FIP1L1: variants seen among roughly 807,000 people sequenced by gnomAD.
FIP1L1 encodes pre-mRNA 3'-end-processing factor FIP1.
Under a neutral mutation model 84.6 loss-of-function variants are expected in FIP1L1, and 21 were observed. The ratio of observed to expected loss-of-function variants is 0.25; its 90% CI spans 0.18 to 0.36. The LOEUF is 0.36. Among genes scored for constraint, FIP1L1 ranks in the 10% least tolerant of loss-of-function variants. The pLI is 1.00. For missense variants in FIP1L1, 526 were observed against 751.1 expected, an observed-to-expected ratio of 0.70 and a Z score of 3.50; for synonymous variants, 263 against 242.3, an observed-to-expected ratio of 1.09 and a Z score of -0.80.
chr4:53,381,855 C>A (rs145470059), intron 3 of FIP1L1, among the ~76,000 whole-genome samples: 88 of 145,968 alleles, frequency 6.0e-4, no homozygotes, highest in African/African-American at 2.2e-3. Flanking sequence ...CCTCTATCTC[C>A]TGGGTTCAAG....
intron 10 of FIP1L1, among the ~76,000 whole-genome samples, 179 bp downstream of exon 10, chr4:53,400,018 C>G (rs993944518): frequency 6.6e-6 from 1 of 152,064 alleles, no homozygotes; most frequent in African/African-American, 2.4e-5. Flanking sequence ...ATCTAAAAAG[C>G]CTAGGGTAAG....
chr4:53,378,219 C>T (rs775953000), intron 1 of FIP1L1: 2 of 322,788 alleles, frequency 6.2e-6, no homozygotes, highest in South Asian at 1.4e-4. Flanking sequence ...TCTCGATCGC[C>T]TAGCTGCTGC....
Position 53,414,644 on chromosome 4 carries a change from G to C in FIP1L1, c.845G>C (p.Ser282Thr). 6.2e-7 allele frequency: 1 copy of C among 1,613,200 alleles called. No individual in the cohort carries two copies. The highest frequency in any genetic ancestry group is 8.5e-7 in the Non-Finnish European group (1 of 1,179,404). ...RNSTSSQSQT[S>T]TASRKANSSV... ...AGCACTTCTTCTCAGTCTCAGACAA[G>C]TACTGCCTCCAGAAAAGCCAATTCA... Residue 282 changes from serine to threonine, a missense_variant, in exon 11 of 18, where the codon AGT becomes ACT. By Grantham distance (58) the Ser-to-Thr change is moderately conservative. Around this residue, in one of 6 missense-constraint regions of FIP1L1, gnomAD observed 80 missense variants for 151.1 expected, o/e 0.53. Transcript: ENST00000337488.
At chr4:53,391,552 C>A in intron 9 of FIP1L1, 54 bp downstream of exon 9, 1 of 1,271,938 alleles carries the variant, frequency 7.9e-7, no homozygotes, top group Non-Finnish European at 1.1e-6. Context: ...CTTGAGTCTG[C>A]TCCCATGCCA....
intron 10 of FIP1L1, among the ~76,000 whole-genome samples, chr4:53,404,511 C>T (rs986726656): frequency 6.6e-6 from 1 of 152,040 alleles, no homozygotes; most frequent in Non-Finnish European, 1.5e-5. Flanking sequence ...ATTTAGAGTC[C>T]TTTGCGTATA....
chr4:53,395,861 T>G (rs779941483), intron 9 of FIP1L1, among the ~76,000 whole-genome samples: 4 of 152,142 alleles, frequency 2.6e-5, no homozygotes, highest in Non-Finnish European at 5.9e-5. Context: ...TGAGCACTCA[T>G]CTTGTGGATA....
At position 53,429,315 on chromosome 4, in the gene FIP1L1, T is replaced by C. The variant is rs189082604; in HGVS notation, c.1174+1132T>C. On this transcript the variant is annotated intron_variant, in intron 13 of 17. Coordinates refer to ENST00000337488, the MANE Select transcript of FIP1L1 (RefSeq NM_030917.4). ...TAGAGGTCCTTATTCCAGACAACATTAGTATTTCTAATTTCAGTGAATTTC... is the reference window on the plus strand; with the variant it reads ...TAGAGGTCCTTATTCCAGACAACATCAGTATTTCTAATTTCAGTGAATTTC... Among the ~76,000 whole-genome samples the C allele has an allele frequency of 2.2e-3, 334 of 152,280 alleles. 4 individuals carry two copies. The highest frequency in any genetic ancestry group is 3.8e-3 in the Non-Finnish European group (261 of 68,004).
intron 15 of FIP1L1, among the ~76,000 whole-genome samples, chr4:53,445,632 A>G (rs1225140341): frequency 2.0e-5 from 3 of 152,176 alleles, no homozygotes; most frequent in African/African-American, 7.2e-5. Flanking sequence ...AAGGCAATAT[A>G]TACTATATAA....
chr4:53,408,086 T>G (rs545341813), intron 10 of FIP1L1, among the ~76,000 whole-genome samples: 2 of 152,182 alleles, frequency 1.3e-5, no homozygotes, highest in African/African-American at 2.4e-5. Flanking sequence ...TTTCTTCCTA[T>G]CCTCGATGGT....
At chr4:53,422,792 G>A (rs759069568) in intron 11 of FIP1L1, among the ~76,000 whole-genome samples, 32 of 151,598 alleles carry the variant, frequency 2.1e-4, no homozygotes, top group Non-Finnish European at 1.2e-4. Context: ...ACAGTTTACT[G>A]CATCCTTCAT....
At chr4:53,389,674 G>C in intron 5 of FIP1L1, 135 bp from the exon 6 acceptor site, 1 of 668,984 alleles carries the variant, frequency 1.5e-6, no homozygotes, top group Non-Finnish European at 2.5e-6. Context: ...AAAAAATAAA[G>C]ATAGAAATAA....
chr4:53,410,152 C>G (rs1251794511), intron 10 of FIP1L1, among the ~76,000 whole-genome samples: 2 of 152,196 alleles, frequency 1.3e-5, no homozygotes, highest in Admixed American at 1.3e-4. Context: ...TTAAAATCCA[C>G]TTTTCATCGC....
chr4:53,383,769 G>T lies in FIP1L1; in HGVS notation c.229-4G>T. 1.9e-6 allele frequency: 3 copies of T among 1,602,934 alleles called. No individual in the cohort carries two copies. The South Asian group carries it at 3.3e-5, about 18-fold the overall frequency. On this transcript the variant is annotated splice_region_variant and splice_polypyrimidine_tract_variant and intron_variant, in intron 4 of 17. Coordinates refer to ENST00000337488, the MANE Select transcript of FIP1L1 (RefSeq NM_030917.4). ...TATTTTATAATTTGTTTATGTTCAT[G>T]TAGAAAGTGACTGAGACCGAAGATG...
At chr4:53,456,391 A>T (rs1718942063) in intron 16 of FIP1L1, among the ~76,000 whole-genome samples, 1 of 152,156 alleles carries the variant, frequency 6.6e-6, no homozygotes, top group African/African-American at 2.4e-5. Flanking sequence ...ACTGTAGGGC[A>T]TTAGGAGTCA....
At chr4:53,391,250 A>G in intron 8 of FIP1L1, 111 bp downstream of exon 8, 1 of 1,322,184 alleles carries the variant, frequency 7.6e-7, no homozygotes, top group Non-Finnish European at 1.0e-6. Flanking sequence ...ATAGTTTAAA[A>G]ATTCCATTTT....
chr4:53,450,600 A>G lies in FIP1L1; in HGVS notation c.1286-2320A>G, dbSNP rs1179387972. On this transcript the variant is annotated intron_variant, in intron 15 of 17. Transcript: ENST00000337488. ...TTTGGGAGGCTGAGGTGGGAAGATC[A>G]CTTGAGCCTGAGAGTTCAAGGCTGC... Among the ~76,000 whole-genome samples the G allele has an allele frequency of 2.0e-5, 3 of 152,296 alleles. No individual in the cohort carries two copies. The South Asian group carries it at 6.2e-4, about 32-fold the overall frequency.
chr4:53,384,969 T>C (rs1296978812), intron 5 of FIP1L1, among the ~76,000 whole-genome samples: 1 of 152,162 alleles, frequency 6.6e-6, no homozygotes, highest in Non-Finnish European at 1.5e-5. Context: ...TCAGGAAGCT[T>C]AAAGCCAATT....
intron 10 of FIP1L1, among the ~76,000 whole-genome samples, chr4:53,413,734 T>C (rs910687361): frequency 6.6e-6 from 1 of 152,166 alleles, no homozygotes; most frequent in African/African-American, 2.4e-5. Flanking sequence ...ATTTAAAATA[T>C]ATAATTTGGT....
intron 3 of FIP1L1, among the ~76,000 whole-genome samples, chr4:53,381,427 C>T (rs961083104): frequency 1.1e-4 from 16 of 152,094 alleles, no homozygotes; most frequent in Non-Finnish European, 1.6e-4. Flanking sequence ...TGTTTTGTGA[C>T]GTAGAAAGCA....
Sources: allele counts gnomAD v4.1 joint callset (sites outside exome capture counted in the v4.1 genomes callset), GRCh38; gene constraint gnomAD v4.1.1; regional missense constraint gnomAD v4.1.1; transcripts MANE v1.5; gene names NCBI Gene and HGNC (gene_info 2026-07-23, HGNC 2026-07-21).